Variants in PMEL observed in about 807,000 individuals in gnomAD.
PMEL encodes melanocyte protein PMEL.
In PMEL, 53 loss-of-function variants were observed where a neutral mutation model predicts 64.9. The ratio of observed to expected loss-of-function variants is 0.82; its 90% CI spans 0.66 to 1.03. PMEL has a LOEUF of 1.03. Among genes scored for constraint, PMEL ranks in the 50% least tolerant of loss-of-function variants. The probability of loss-of-function intolerance (pLI) is 0.00; values close to 1 mark genes in which losing one functional copy is unlikely to be tolerated. For missense variants in PMEL, 716 were observed against 814.9 expected, an observed-to-expected ratio of 0.88 and a Z score of 1.48; for synonymous variants, 299 against 316.2, an observed-to-expected ratio of 0.95 and a Z score of 0.58.
intron 3 of PMEL, among the ~76,000 whole-genome samples, chr12:55,959,885 A>G (rs1889034661): frequency 6.6e-6 from 1 of 152,166 alleles, no homozygotes; most frequent in African/African-American, 2.4e-5. Flanking sequence ...ACACTACATT[A>G]AGTACTTTAC....
intron 3 of PMEL, among the ~76,000 whole-genome samples, chr12:55,960,537 GTTTTTTTTTTTT>G (rs760692409): frequency 1.0e-5 from 1 of 97,302 alleles, no homozygotes; most frequent in African/African-American, 4.5e-5. Context: ...TTTGCTTTCT[GTTTTTTTTTTTT>G]TTTTTTTTTT....
chr12:55,957,692 G>T, intron 5 of PMEL, 21 bp from the exon 6 acceptor site: 2 of 1,596,560 alleles, frequency 1.3e-6, no homozygotes, highest in Non-Finnish European at 8.5e-7. Context: ...AGCCAGAAAA[G>T]GTGAGAACCA....
At position 55,961,661 on chromosome 12, in the gene PMEL, G is replaced by C. The variant is rs367662871; in HGVS notation, c.148C>G (p.Pro50Ala). 1 of 1,613,776 alleles carries C rather than the reference G, an allele frequency of 6.2e-7. No homozygotes were observed. The highest frequency in any genetic ancestry group is 8.5e-7 in the Non-Finnish European group (1 of 1,179,956). ...RTKAWNRQLYPEWTEAQRLDC... is the reference protein window; with the variant it reads ...RTKAWNRQLYAEWTEAQRLDC... ...AGTCTCTGGGCTTCTGTCCACTCTG[G>C]ATACAGCTGCCTGTTCCAGGCTTTG... Residue 50 changes from proline to alanine, a missense_variant, in exon 2 of 11, where the codon CCA (proline) becomes GCA (alanine). Coordinates refer to ENST00000548747, the MANE Select transcript of PMEL (RefSeq NM_001384361.1).
Position 55,957,540 on chromosome 12 carries a change from C to A in PMEL, c.763G>T (p.Asp255Tyr), listed in dbSNP as rs1488086257. The A allele has an allele frequency of 6.2e-7, 1 of 1,613,016 alleles. No homozygotes were observed. Among genetic ancestry groups the A allele is most frequent in the African/African-American group, 1.3e-5 (1 of 74,764 alleles). The change falls in exon 6 of 11, where the codon GAC (aspartate) becomes TAC (tyrosine). Residue 255 changes from aspartate to tyrosine, a missense_variant. Transcript: ENST00000548747. ...CCAAAGTCCCAGGTGTAGGAGAGGT[C>A]AGCTTCAGCCAGATAGCCACTGGGG... is the stretch of plus-strand genomic sequence containing the variant. ...HDPSGYLAEA[D>Y]LSYTWDFGDS...
intron 3 of PMEL, among the ~76,000 whole-genome samples, chr12:55,960,537 G>GTTTT (rs760692409): frequency 1.7e-4 from 17 of 97,300 alleles, no homozygotes; most frequent in African/African-American, 3.2e-4. Flanking sequence ...TTTGCTTTCT[G>GTTTT]TTTTTTTTTT....
At chr12:55,961,786 G>T in intron 1 of PMEL, 54 bp from the exon 2 acceptor site, 1 of 1,102,620 alleles carries the variant, frequency 9.1e-7, no homozygotes, top group Non-Finnish European at 1.4e-6. Context: ...CCTTCTCAGG[G>T]ATAACACTCT....
intron 1 of PMEL, 102 bp from the exon 2 acceptor site, chr12:55,961,834 A>ATT (rs1201947206): frequency 4.4e-3 from 2,241 of 508,404 alleles, no homozygotes; most frequent in East Asian, 5.7e-3. Flanking sequence ...TTCGAAGTGC[A>ATT]TTTTTTTTTT....
chr12:55,958,823 C>T (rs1447689569), intron 3 of PMEL: 1 of 528,352 alleles, frequency 1.9e-6, no homozygotes, highest in African/African-American at 1.9e-5. Context: ...AGTCTGATGC[C>T]CAGGCTGGAG....
chr12:55,965,276 A>G (rs1323404797), intron 1 of PMEL, among the ~76,000 whole-genome samples: 1 of 151,786 alleles, frequency 6.6e-6, no homozygotes, highest in Non-Finnish European at 1.5e-5. Flanking sequence ...CTGCTGGGGG[A>G]GGATCTGGAA....
Position 55,957,070 on chromosome 12 carries a change from A to C in PMEL, c.1233T>G (p.Ser411=). 8 of 1,614,226 alleles carry C rather than the reference A, an allele frequency of 5.0e-6. No individual in the cohort carries two copies. The highest frequency in any genetic ancestry group is 6.8e-6 in the Non-Finnish European group (8 of 1,180,026). ...TPAEVSIVVL[S]GTTAAQVTTT... is the part of the protein sequence containing the mutation. ...TTGTTACCTGTGCAGCTGTGGTTCCAGAAAGCACCACAATTGATACCTCTG... is the reference window on the plus strand; with the variant it reads ...TTGTTACCTGTGCAGCTGTGGTTCCCGAAAGCACCACAATTGATACCTCTG... Residue 411 remains serine (S), a synonymous_variant, in exon 6 of 11, where the codon TCT becomes TCG. Transcript: ENST00000548747.
At chr12:55,960,537 GTTTT>G (rs760692409) in intron 3 of PMEL, among the ~76,000 whole-genome samples, 3 of 97,302 alleles carry the variant, frequency 3.1e-5, no homozygotes, top group African/African-American at 4.5e-5. Flanking sequence ...TTTGCTTTCT[GTTTT>G]TTTTTTTTTT....
intron 1 of PMEL, among the ~76,000 whole-genome samples, chr12:55,965,634 G>A (rs1193722801): frequency 2.0e-5 from 3 of 152,106 alleles, no homozygotes; most frequent in African/African-American, 7.2e-5. Context: ...TTTCCTAAAA[G>A]AGTCTCCTGC....
intron 3 of PMEL, 176 bp from the exon 4 acceptor site, chr12:55,958,783 A>G: frequency 1.6e-6 from 1 of 635,866 alleles, no homozygotes; most frequent in Admixed American, 3.2e-5. Context: ...GGGTGTGGAA[A>G]CTACATTTTT....
intron 1 of PMEL, among the ~76,000 whole-genome samples, chr12:55,964,630 C>A (rs1450528488): frequency 2.0e-5 from 3 of 151,466 alleles, no homozygotes; most frequent in Non-Finnish European, 2.9e-5. Flanking sequence ...CTTTTCTTTT[C>A]TTTTTTTATT....
intron 5 of PMEL, 80 bp downstream of exon 5, chr12:55,957,843 C>A: frequency 6.4e-7 from 1 of 1,568,076 alleles, no homozygotes. Context: ...CAGCATTTCA[C>A]CTTTCTCCTT....
Position 55,956,174 on chromosome 12 carries a change from A to C in PMEL, c.1400T>G (p.Val467Gly), listed in dbSNP as rs777939552. 30 of 1,614,016 alleles carry C rather than the reference A, an allele frequency of 1.9e-5. No homozygotes were observed. Among genetic ancestry groups the C allele is most frequent in the Non-Finnish European group, 2.3e-5 (27 of 1,179,978 alleles). The change falls in exon 7 of 11, where the codon GTG becomes GGG. Residue 467 changes from valine to glycine, a missense_variant. Transcript: ENST00000548747. Reference protein sequence around the residue: ...LLDGTATLRLVKRQVPLDCVL... With the variant: ...LLDGTATLRLGKRQVPLDCVL... ...ACAATCCAGGGGGACTTGTCTCTTC[A>C]CCAGCCTTAAGGTGGCTGTACCATC...
chr12:55,955,486 G>A lies in PMEL; in HGVS notation c.1740C>T (p.Val580=). The change falls in exon 9 of 11, where the codon GTC becomes GTT. Residue 580 remains valine, a synonymous_variant. Coordinates refer to ENST00000548747, the MANE Select transcript of PMEL (RefSeq NM_001384361.1). ...SLADTNSLAV[V]STQLIMPGQE... ...TACCAGGCATGATAAGCTGGGTGCT[G>A]ACCACTGCCAGGCTGTTGGTATCAG... The A allele has an allele frequency of 6.2e-7, 1 of 1,614,086 alleles. No homozygotes were observed. Among genetic ancestry groups the A allele is most frequent in the South Asian group, 1.1e-5 (1 of 91,074 alleles).
At chr12:55,965,241 A>C (rs549991558) in intron 1 of PMEL, among the ~76,000 whole-genome samples, 11 of 152,172 alleles carry the variant, frequency 7.2e-5, no homozygotes, top group African/African-American at 2.6e-4. Context: ...TCCCTTTCTA[A>C]TGTGTGCTGT....
intron 3 of PMEL, among the ~76,000 whole-genome samples, chr12:55,959,781 A>G (rs1231258699): frequency 6.6e-6 from 1 of 152,124 alleles, no homozygotes; most frequent in Non-Finnish European, 1.5e-5. Flanking sequence ...CTCCAGCCTG[A>G]GCGACACAGC....
Sources: gnomAD v4.1 joint callset for allele counts (sites outside exome capture counted in the v4.1 genomes callset) on GRCh38, gnomAD v4.1.1 for gene constraint, MANE v1.5 for transcripts, NCBI Gene and HGNC (gene_info 2026-07-23, HGNC 2026-07-21) for gene names.